The following ITGA2 variants were observed in gnomAD, a reference collection of about 807,000 sequenced individuals.
ITGA2 encodes integrin alpha-2.
A neutral mutation model predicts 146.3 loss-of-function variants in ITGA2; 101 were observed. That is an observed-to-expected ratio of 0.69 (90% CI 0.59 to 0.81). ITGA2 has a LOEUF of 0.81. Among genes scored for constraint, ITGA2 ranks in the 40% least tolerant of loss-of-function variants. ITGA2 has a pLI of 0.00. For synonymous variants in ITGA2, 477 were observed against 487.1 expected (o/e 0.98, Z 0.27); for missense variants, 1,281 against 1,402.7 (o/e 0.91, Z 1.39).
intron 2 of ITGA2, among the ~76,000 whole-genome samples, chr5:53,035,102 G>C (rs7732191): frequency 0.037 from 5,576 of 152,242 alleles, 142 homozygotes; most frequent in East Asian, 0.073. Context: ...TGCTATTCCA[G>C]TTTTTATCAT....
Position 53,051,559 on chromosome 5 carries a change from G to A in ITGA2, c.779G>A (p.Arg260Lys). ...TNTFGAIQYARKYAYSAASGG... is the reference protein window; with the variant it reads ...TNTFGAIQYAKKYAYSAASGG... ...ACATTCGGAGCAATTCAATATGCAA[G>A]GTAAGTTTTGGTGCTAATAGGCCAA... Residue 260 changes from arginine to lysine, a missense_variant and splice_region_variant, in exon 7 of 30, where the codon AGA becomes AAA. Around this residue, in one of 3 missense-constraint regions of ITGA2, gnomAD observed 795 missense variants for 841.7 expected, o/e 0.94. Coordinates refer to ENST00000296585, the MANE Select transcript of ITGA2 (RefSeq NM_002203.4). 3 of 1,612,828 alleles carry A rather than the reference G, an allele frequency of 1.9e-6. No individual in the cohort carries two copies. Among genetic ancestry groups the A allele is most frequent in the Non-Finnish European group, 2.5e-6 (3 of 1,179,216 alleles).
chr5:52,989,805 T>TAC (rs1383301912), intron 1 of ITGA2, among the ~76,000 whole-genome samples: 2 of 98,776 alleles, frequency 2.0e-5, no homozygotes, highest in Admixed American at 1.3e-4. Context: ...TTGTTTTAGG[T>TAC]ACACACACGC....
In ITGA2 at chr5:53,073,274, C is replaced by G. The variant is rs534251174; in HGVS notation, c.2571+15C>G. On this transcript the variant is annotated intron_variant, in intron 20 of 29. Coordinates refer to ENST00000296585, the MANE Select transcript of ITGA2 (RefSeq NM_002203.4). ...TCTCCCTGCCGGTATGTGATGAGACCCTGTACTTACTTCCACCATGCTTCC... is the reference window on the plus strand; with the variant it reads ...TCTCCCTGCCGGTATGTGATGAGACGCTGTACTTACTTCCACCATGCTTCC... 2.2e-5 allele frequency: 36 copies of G among 1,611,402 alleles called. No individual in the cohort carries two copies. The highest frequency in any genetic ancestry group is 3.3e-5 in the Admixed American group (2 of 59,906).
At chr5:53,068,893 T>C (rs1258733912) in intron 16 of ITGA2, among the ~76,000 whole-genome samples, 1 of 151,820 alleles carries the variant, frequency 6.6e-6, no homozygotes, top group Non-Finnish European at 1.5e-5. Flanking sequence ...AAAAGCATTA[T>C]AATGTGGACT....
intron 1 of ITGA2, 70 bp downstream of exon 1, chr5:52,989,602 G>T (rs1192948376): frequency 3.9e-6 from 6 of 1,548,400 alleles, no homozygotes; most frequent in Non-Finnish European, 5.4e-6. Flanking sequence ...TCGCTGGAGG[G>T]ATTGGGCGGA....
intron 1 of ITGA2, among the ~76,000 whole-genome samples, chr5:52,995,404 C>CA (rs1196250698): frequency 6.6e-6 from 1 of 152,076 alleles, no homozygotes; most frequent in Non-Finnish European, 1.5e-5. Flanking sequence ...GGTAAAAACT[C>CA]AGATAGTGGC....
intron 29 of ITGA2, 34 bp from the exon 30 acceptor site, chr5:53,090,485 G>A (rs41272307): frequency 0.013 from 19,963 of 1,589,128 alleles, 181 homozygotes; most frequent in Middle Eastern, 0.015. Flanking sequence ...AATAAGCCAC[G>A]GGTGGTAACA....
Position 53,075,510 on chromosome 5 carries a change from G to C in ITGA2, c.2825+206G>C, listed in dbSNP as rs79107231. Among the ~76,000 whole-genome samples the C allele has an allele frequency of 3.3e-3, 506 of 152,076 alleles. 1 individual carries two copies. Among genetic ancestry groups the C allele is most frequent in the Non-Finnish European group, 3.8e-3 (261 of 67,946 alleles). On this transcript the variant is annotated intron_variant, in intron 23 of 29. Transcript: ENST00000296585. ...CTCGTTAGGCTTATTAAACCAATGAGAGTAGCCCAGAAAGGCAGAGAAAGA... is the reference window on the plus strand; with the variant it reads ...CTCGTTAGGCTTATTAAACCAATGACAGTAGCCCAGAAAGGCAGAGAAAGA...
chr5:52,998,968 A>C (rs1741433938), intron 1 of ITGA2, among the ~76,000 whole-genome samples: 1 of 152,198 alleles, frequency 6.6e-6, no homozygotes, highest in Non-Finnish European at 1.5e-5. Context: ...CCTTTAGTTG[A>C]TAAATTTGTT....
At chr5:52,997,241 A>G (rs185022268) in intron 1 of ITGA2, among the ~76,000 whole-genome samples, 10 of 152,170 alleles carry the variant, frequency 6.6e-5, no homozygotes, top group African/African-American at 2.2e-4. Context: ...CTGTTGCCCA[A>G]ATAGGTAACA....
chr5:53,090,698 A>G lies in ITGA2; in HGVS notation c.*99A>G. The stretch of plus-strand genomic sequence containing the variant: ...TTTTAAATCCCATATTTTTTTTATC[A>G]TGTCGTAGGTAAACTAACCTGGTAT... On this transcript the variant is annotated 3_prime_UTR_variant, in exon 30 of 30. Transcript: ENST00000296585. 1 of 779,864 alleles carries G rather than the reference A, an allele frequency of 1.3e-6. No individual in the cohort carries two copies. Among genetic ancestry groups the G allele is most frequent in the Non-Finnish European group, 2.0e-6 (1 of 491,720 alleles). 48.3% of individuals were successfully genotyped at this position (779,864 alleles called of 1,614,324 possible).
intron 14 of ITGA2, 146 bp downstream of exon 14, chr5:53,065,261 G>A: frequency 2.4e-6 from 2 of 821,554 alleles, no homozygotes; most frequent in Non-Finnish European, 4.0e-6. Flanking sequence ...AGCCTCTACT[G>A]TGTGCCCAAG....
At chr5:53,030,733 G>A (rs1743184703) in intron 2 of ITGA2, among the ~76,000 whole-genome samples, 1 of 152,246 alleles carries the variant, frequency 6.6e-6, no homozygotes, top group African/African-American at 2.4e-5. Context: ...AGTCAGTGAG[G>A]AAGATTTATA....
intron 2 of ITGA2, among the ~76,000 whole-genome samples, chr5:53,029,798 T>C (rs1048601129): frequency 1.3e-5 from 2 of 152,220 alleles, no homozygotes; most frequent in Non-Finnish European, 2.9e-5. Flanking sequence ...ATTTGTTAAA[T>C]GACTAAATGG....
intron 11 of ITGA2, 65 bp from the exon 12 acceptor site, chr5:53,060,836 C>T: frequency 6.7e-7 from 1 of 1,501,734 alleles, no homozygotes; most frequent in Non-Finnish European, 9.3e-7. Context: ...CCTTTACTCA[C>T]TTCTTTTAAC....
At chr5:53,086,823 G>A in intron 27 of ITGA2, 129 bp from the exon 28 acceptor site, 1 of 747,142 alleles carries the variant, frequency 1.3e-6, no homozygotes, top group Non-Finnish European at 2.3e-6. Context: ...ACAGATTCTG[G>A]ATGGGTCTTC....
intron 2 of ITGA2, among the ~76,000 whole-genome samples, chr5:53,027,266 A>C (rs1425285883): frequency 6.6e-6 from 1 of 152,220 alleles, no homozygotes; most frequent in Admixed American, 6.5e-5. Context: ...AAATGGTAGA[A>C]TTGTTTCCTA....
intron 10 of ITGA2, 92 bp from the exon 11 acceptor site, chr5:53,059,782 C>A: frequency 8.7e-7 from 1 of 1,147,280 alleles, no homozygotes; most frequent in Non-Finnish European, 1.3e-6. Flanking sequence ...TTTAATAAAT[C>A]TAAACAACTT....
chr5:53,004,511 C>G (rs1361748382), intron 1 of ITGA2, among the ~76,000 whole-genome samples: 1 of 151,932 alleles, frequency 6.6e-6, no homozygotes, highest in Non-Finnish European at 1.5e-5. Flanking sequence ...TTATGGAGTG[C>G]CTATTGTATA....
Sources: gnomAD v4.1 joint callset for allele counts (sites outside exome capture counted in the v4.1 genomes callset) on GRCh38, gnomAD v4.1.1 for gene constraint, gnomAD v4.1.1 regional missense constraint, MANE v1.5 for transcripts, NCBI Gene and HGNC (gene_info 2026-07-23, HGNC 2026-07-21) for gene names.